The following PKD2L1 variants were observed in gnomAD, a reference collection of about 807,000 sequenced individuals.
The protein encoded by PKD2L1 is polycystin 2 like 1, transient receptor potential cation channel, also known as polycystin-2-like protein 1.
In PKD2L1, 77 loss-of-function variants were observed where a neutral mutation model predicts 93.0. That is an observed-to-expected ratio of 0.83 (90% CI 0.69 to 1.00). PKD2L1 has a LOEUF of 1.00. PKD2L1 is among the 50% of genes least tolerant of loss of function. The probability of loss-of-function intolerance (pLI) is 0.00; values close to 1 mark genes in which losing one functional copy is unlikely to be tolerated. For synonymous variants in PKD2L1, 390 were observed against 388.0 expected (o/e 1.01, Z -0.06); for missense variants, 977 against 990.9 (o/e 0.99, Z 0.19).
chr10:100,311,608 T>C (rs1848934162), intron 2 of PKD2L1, among the ~76,000 whole-genome samples: 1 of 152,214 alleles, frequency 6.6e-6, no homozygotes. Context: ...TCGGAAACTT[T>C]GTACATCTCC....
chr10:100,297,007 C>G lies in PKD2L1; in HGVS notation c.1158G>C (p.Trp386Cys). ...IHRLRYLSSI[W>C]NILDLVVILL... ...AGATGACCACCAGGTCCAGTATGTT[C>G]CAGATGCTGCTGAGGTAGCGAAGCC... The change falls in exon 6 of 16, where the codon TGG becomes TGC. Residue 386 changes from tryptophan to cysteine, a missense_variant. Trp to Cys is a radical substitution (Grantham distance 215). Transcript: ENST00000318222. The G allele has an allele frequency of 6.2e-7, 1 of 1,613,530 alleles. No individual in the cohort carries two copies. Among genetic ancestry groups the G allele is most frequent in the Non-Finnish European group, 8.5e-7 (1 of 1,179,476 alleles).
intron 11 of PKD2L1, 142 bp downstream of exon 11, chr10:100,292,806 T>G: frequency 1.2e-6 from 1 of 814,732 alleles, no homozygotes; most frequent in Non-Finnish European, 1.9e-6. Flanking sequence ...AGCGGAGACC[T>G]ACGGGCAAAG....
At chr10:100,296,557 C>A (rs1848544411) in intron 6 of PKD2L1, among the ~76,000 whole-genome samples, 2 of 152,074 alleles carry the variant, frequency 1.3e-5, no homozygotes, top group South Asian at 2.1e-4. Flanking sequence ...GGAACTGGAA[C>A]CAGTCATTTC....
In PKD2L1 at chr10:100,299,598, A is replaced by G; in HGVS notation, c.470T>C (p.Phe157Ser). Residue 157 changes from phenylalanine (F) to serine (S), a missense_variant, in exon 3 of 16, where the codon TTC becomes TCC. Phe to Ser is a radical substitution (Grantham distance 155, BLOSUM62 -2). Transcript: ENST00000318222. ...SFQAISSMADFWDFAQGPLLD... is the reference protein window; with the variant it reads ...SFQAISSMADSWDFAQGPLLD... ...AAAAGATCTTATACTCACATCCCAG[A>G]AGTCCGCCATGCTGCTGATGGCCTG... The G allele has an allele frequency of 6.2e-7, 1 of 1,613,918 alleles. No individual in the cohort carries two copies.
chr10:100,296,279 G>A lies in PKD2L1; in HGVS notation c.1199C>T (p.Ala400Val). ...GGTTCGGAATATGTGGAAGCCCACAGCCACAATGGAGAGCTGTCACACAGG... is the reference window on the plus strand; with the variant it reads ...GGTTCGGAATATGTGGAAGCCCACAACCACAATGGAGAGCTGTCACACAGG... The part of the protein sequence containing the change: ...DLVVILLSIV[A>V]VGFHIFRTLE... The change falls in exon 7 of 16, where the codon GCT (alanine) becomes GTT (valine). Residue 400 changes from alanine (A) to valine (V), a missense_variant. Transcript: ENST00000318222. 6.3e-7 allele frequency: 1 copy of A among 1,595,310 alleles called. No individual in the cohort carries two copies. Among genetic ancestry groups the A allele is most frequent in the Non-Finnish European group, 8.5e-7 (1 of 1,173,606 alleles).
chr10:100,310,604 G>GCA (rs1167605180), intron 2 of PKD2L1, among the ~76,000 whole-genome samples: 1 of 151,470 alleles, frequency 6.6e-6, no homozygotes, highest in Non-Finnish European at 1.5e-5. Flanking sequence ...AGGCACACAC[G>GCA]CACACACACA....
At chr10:100,301,533 T>C (rs1191988327) in intron 2 of PKD2L1, among the ~76,000 whole-genome samples, 2 of 151,818 alleles carry the variant, frequency 1.3e-5, no homozygotes, top group South Asian at 2.1e-4. Flanking sequence ...TTCAGTGATA[T>C]TTATCTTACC....
chr10:100,288,535 AG>A, intron 15 of PKD2L1, 57 bp from the exon 16 acceptor site: 1 of 1,036,930 alleles, frequency 9.6e-7, no homozygotes. Flanking sequence ...GGATGCACAA[AG>A]GATAAGAATA....
chr10:100,324,128 C>T (rs1463061175), intron 2 of PKD2L1, among the ~76,000 whole-genome samples: 1 of 152,194 alleles, frequency 6.6e-6, no homozygotes, highest in Non-Finnish European at 1.5e-5. Context: ...GTGCCCAGCC[C>T]ACTTTATTTT....
At position 100,318,851 on chromosome 10, in the gene PKD2L1, CT is replaced by C. The variant is rs1235162350; in HGVS notation, c.349+10359del. ...CTTTTCTTTTTTTCTCTCTCTCTATCTTTTTTTTTTTTTTAGATGGAATCTC... is the reference window on the plus strand; with the variant it reads ...CTTTTCTTTTTTTCTCTCTCTCTATCTTTTTTTTTTTTTAGATGGAATCTC... On this transcript the variant is annotated intron_variant, in intron 2 of 15. Coordinates refer to ENST00000318222, the MANE Select transcript of PKD2L1 (RefSeq NM_016112.3). Among the ~76,000 whole-genome samples, 675 of 125,052 alleles carry C rather than the reference CT, an allele frequency of 5.4e-3. 2 individuals are homozygous for C. The highest frequency in any genetic ancestry group is 9.7e-3 in the African/African-American group (343 of 35,220). 82.0% of individuals were successfully genotyped at this position (125,052 alleles called of 152,430 possible).
In PKD2L1 at chr10:100,294,967, T is replaced by G; in HGVS notation, c.1513A>C (p.Asn505His). 1 of 1,614,040 alleles carries G rather than the reference T, an allele frequency of 6.2e-7. No homozygotes were observed. The highest frequency in any genetic ancestry group is 8.5e-7 in the Non-Finnish European group (1 of 1,179,952). The change falls in exon 8 of 16, where the codon AAC becomes CAC. Residue 505 changes from asparagine to histidine, a missense_variant. Asn to His is a moderately conservative substitution (Grantham distance 68). Coordinates refer to ENST00000318222, the MANE Select transcript of PKD2L1 (RefSeq NM_016112.3). Reference protein sequence around the residue: ...GYLLFGTQVENFSTFIKCIFT... With the variant: ...GYLLFGTQVEHFSTFIKCIFT... ...ATGCACTTGATGAAAGTGCTAAAGT[T>G]TTCCACTTGGGTCCCGAAAAGCAGG...
chr10:100,295,084 G>T lies in PKD2L1; in HGVS notation c.1396C>A (p.Leu466Ile). ...YISFNKTMTQ[L>I]SSTLARCAKD... ...GCACAGCGGGCCAGCGTGGAGGAGA[G>T]CTGGGTCATGGTTTTGTTGAAGCTG... is the stretch of plus-strand genomic sequence containing the variant. Residue 466 changes from leucine (L) to isoleucine (I), a missense_variant, in exon 8 of 16, where the codon CTC (leucine) becomes ATC (isoleucine). By Grantham distance (5) the Leu-to-Ile change is conservative. Transcript: ENST00000318222. The T allele has an allele frequency of 6.2e-7, 1 of 1,614,162 alleles. No individual in the cohort carries two copies. Among genetic ancestry groups the T allele is most frequent in the East Asian group, 2.2e-5 (1 of 44,886 alleles).
intron 2 of PKD2L1, among the ~76,000 whole-genome samples, chr10:100,322,122 G>T (rs892731195): frequency 5.3e-5 from 8 of 151,570 alleles, no homozygotes; most frequent in Non-Finnish European, 8.8e-5. Flanking sequence ...GTTACTTTTA[G>T]GGCTGAGGTG....
intron 4 of PKD2L1, 98 bp from the exon 5 acceptor site, chr10:100,297,704 G>T (rs1848582245): frequency 3.1e-5 from 1 of 32,654 alleles, no homozygotes; most frequent in Non-Finnish European, 6.5e-5. Flanking sequence ...TTTACATATT[G>T]TGTGTGTGTG....
intron 15 of PKD2L1, among the ~76,000 whole-genome samples, 192 bp downstream of exon 15, chr10:100,288,780 G>A (rs1322078972): frequency 1.3e-5 from 2 of 152,158 alleles, no homozygotes; most frequent in Non-Finnish European, 2.9e-5. Flanking sequence ...CAGAAACACT[G>A]ATTCACAAGC....
In PKD2L1 at chr10:100,303,355, G is replaced by A. The variant is rs554388948; in HGVS notation, c.350-3637C>T. On this transcript the variant is annotated intron_variant, in intron 2 of 15. Coordinates refer to ENST00000318222, the MANE Select transcript of PKD2L1 (RefSeq NM_016112.3). ...ATTACAGGCATGCAGCACGACGCCC[G>A]GCTAATTTTATATTTTTAGTAGAGA... Among the ~76,000 whole-genome samples the A allele has an allele frequency of 3.6e-4, 54 of 152,104 alleles. 1 individual carries two copies. The South Asian group carries it at 9.1e-3, about 26-fold the overall frequency.
intron 2 of PKD2L1, among the ~76,000 whole-genome samples, chr10:100,303,613 G>A (rs1459013538): frequency 6.6e-6 from 1 of 152,112 alleles, no homozygotes; most frequent in African/African-American, 2.4e-5. Context: ...ATCACGGATT[G>A]GGCACTAACA....
intron 11 of PKD2L1, 61 bp downstream of exon 11, chr10:100,292,887 G>T: frequency 6.5e-7 from 1 of 1,533,664 alleles, no homozygotes; most frequent in South Asian, 1.2e-5. Context: ...AATGAAGTAT[G>T]GTTGAGGGTT....
intron 14 of PKD2L1, among the ~76,000 whole-genome samples, 184 bp downstream of exon 14, chr10:100,289,831 A>G (rs931972705): frequency 6.6e-6 from 1 of 152,224 alleles, no homozygotes; most frequent in African/African-American, 2.4e-5. Flanking sequence ...AGGCCAGGGC[A>G]AGCAACTTCC....
Sources: gnomAD v4.1 joint callset for allele counts (sites outside exome capture counted in the v4.1 genomes callset) on GRCh38, gnomAD v4.1.1 for gene constraint, MANE v1.5 for transcripts, NCBI Gene and HGNC (gene_info 2026-07-23, HGNC 2026-07-21) for gene names.